MGLL: variants seen among roughly 807,000 people sequenced by gnomAD.
The protein encoded by MGLL is monoglyceride lipase.
In MGLL, 7 loss-of-function variants were observed where a neutral mutation model predicts 29.1. That is an observed-to-expected ratio of 0.24 (90% CI 0.14 to 0.45). The LOEUF (loss-of-function observed/expected upper bound fraction) is 0.45, where lower values mean the gene tolerates loss of function less well. Ranked by LOEUF, MGLL falls within the 20% of genes least tolerant of loss-of-function variation. The pLI, the probability that MGLL is intolerant of heterozygous loss-of-function variation, is 0.99. For missense variants in MGLL, 356 were observed against 413.6 expected, an observed-to-expected ratio of 0.86 and a Z score of 1.21; for synonymous variants, 148 against 168.3, an observed-to-expected ratio of 0.88 and a Z score of 0.93.
At chr3:127,765,824 G>A (rs185851528) in intron 3 of MGLL, among the ~76,000 whole-genome samples, 367 of 152,288 alleles carry the variant, frequency 2.4e-3, no homozygotes, top group African/African-American at 7.4e-3. Context: ...AAAAGATGGG[G>A]GCTGTCTATT....
Position 127,722,648 on chromosome 3 carries a change from CG to C in MGLL, c.263-83del. The C allele has an allele frequency of 4.4e-6, 7 of 1,581,814 alleles. 1 individual carries two copies. The highest frequency in any genetic ancestry group is 2.7e-5 in the African/African-American group (2 of 74,230). ...AGCCCAGAGTTCTCCTCACTGCAAT[CG>C]CTCTCTCTCCTGAGCGCCTGAATGT... is the stretch of plus-strand genomic sequence containing the variant. On this transcript the variant is annotated intron_variant, in intron 3 of 7. Coordinates refer to ENST00000265052, the MANE Select transcript of MGLL (RefSeq NM_007283.7).
At chr3:127,730,393 A>G (rs889006434) in intron 3 of MGLL, among the ~76,000 whole-genome samples, 1 of 151,998 alleles carries the variant, frequency 6.6e-6, no homozygotes, top group Non-Finnish European at 1.5e-5. Context: ...CTCTGCCACA[A>G]TCTGAGCCAC....
intron 3 of MGLL, among the ~76,000 whole-genome samples, chr3:127,737,203 T>C (rs1387103119): frequency 6.6e-6 from 1 of 151,750 alleles, no homozygotes; most frequent in Non-Finnish European, 1.5e-5. Flanking sequence ...GCAGTGAGCA[T>C]TTATTGAGTG....
At chr3:127,727,704 T>TTAA (rs1491530421) in intron 3 of MGLL, among the ~76,000 whole-genome samples, 2 of 80,712 alleles carry the variant, frequency 2.5e-5, no homozygotes, top group Non-Finnish European at 4.6e-5. Flanking sequence ...AGAGCAAGGC[T>TTAA]AAAAAAAAAA....
chr3:127,707,294 G>A (rs16824250), intron 6 of MGLL, among the ~76,000 whole-genome samples: 2,478 of 152,252 alleles, frequency 0.016, 115 homozygotes, highest in Admixed American at 0.091. Context: ...AGTGCATTCC[G>A]CCTGAGTATG....
intron 3 of MGLL, among the ~76,000 whole-genome samples, chr3:127,777,412 T>C (rs2077054491): frequency 1.3e-5 from 2 of 152,246 alleles, no homozygotes; most frequent in Admixed American, 1.3e-4. Context: ...TTTGGGTCAG[T>C]AGTTAAAAAT....
chr3:127,757,459 T>G (rs1426487662), intron 3 of MGLL, among the ~76,000 whole-genome samples: 2 of 152,134 alleles, frequency 1.3e-5, no homozygotes, highest in Admixed American at 6.5e-5. Flanking sequence ...CAGACACACA[T>G]GCACACAGAC....
At position 127,694,974 on chromosome 3, in the gene MGLL, C is replaced by A; in HGVS notation, c.816+1G>T. ...GAAGTGGGCAAGTGGCAGCCGCTCA[C>A]CTTGAGAGTCTTGTCCTGGCTCTTG... On this transcript the variant is annotated splice_donor_variant, in intron 7 of 7. Coordinates refer to ENST00000265052, the MANE Select transcript of MGLL (RefSeq NM_007283.7). LOFTEE classifies it high-confidence loss of function. 1 of 1,613,688 alleles carries A rather than the reference C, an allele frequency of 6.2e-7. No individual in the cohort carries two copies. Among genetic ancestry groups the A allele is most frequent in the Non-Finnish European group, 8.5e-7 (1 of 1,179,886 alleles).
At chr3:127,759,931 T>C (rs572713994) in intron 3 of MGLL, among the ~76,000 whole-genome samples, 116 of 152,316 alleles carry the variant, frequency 7.6e-4, no homozygotes, top group African/African-American at 2.6e-3. Context: ...GTCTGAATGA[T>C]CCAGCACTTC....
chr3:127,759,411 G>A (rs894736162), intron 3 of MGLL, among the ~76,000 whole-genome samples: 4 of 152,066 alleles, frequency 2.6e-5, no homozygotes, highest in Non-Finnish European at 5.9e-5. Flanking sequence ...CACCTGATGT[G>A]ACCAAGGCTC....
chr3:127,764,675 C>T (rs1026838648), intron 3 of MGLL, among the ~76,000 whole-genome samples: 22 of 152,232 alleles, frequency 1.4e-4, no homozygotes, highest in African/African-American at 5.3e-4. Flanking sequence ...TCATCTCTCT[C>T]TGAGAATTCT....
intron 3 of MGLL, among the ~76,000 whole-genome samples, chr3:127,770,872 A>G (rs1024901624): frequency 1.3e-5 from 2 of 151,952 alleles, no homozygotes; most frequent in African/African-American, 4.8e-5. Flanking sequence ...CAAGGTCACA[A>G]GGCTGAGCAC....
At chr3:127,784,635 C>G (rs542601377) in intron 2 of MGLL, among the ~76,000 whole-genome samples, 14 of 152,158 alleles carry the variant, frequency 9.2e-5, no homozygotes, top group Non-Finnish European at 1.9e-4. Context: ...CAGCCCCACA[C>G]TTCCACCCCC....
intron 3 of MGLL, among the ~76,000 whole-genome samples, chr3:127,762,663 T>C (rs2076786352): frequency 6.6e-6 from 1 of 152,156 alleles, no homozygotes; most frequent in Non-Finnish European, 1.5e-5. Flanking sequence ...GGCAGAGGCT[T>C]CGTTGCAGGT....
chr3:127,784,538 G>A (rs1167358560), intron 2 of MGLL, among the ~76,000 whole-genome samples: 9 of 152,138 alleles, frequency 5.9e-5, no homozygotes, highest in Admixed American at 1.3e-4. Flanking sequence ...AGATATAGCC[G>A]TCCCACTGCA....
intron 7 of MGLL, among the ~76,000 whole-genome samples, chr3:127,693,558 G>A (rs2075289174): frequency 6.6e-6 from 1 of 152,150 alleles, no homozygotes; most frequent in Non-Finnish European, 1.5e-5. Context: ...TCTTGCCTCA[G>A]TCTGGAAGGT....
intron 3 of MGLL, among the ~76,000 whole-genome samples, chr3:127,727,083 CT>C (rs768649582): frequency 6.6e-5 from 10 of 152,184 alleles, no homozygotes; most frequent in Non-Finnish European, 1.5e-4. Flanking sequence ...CATCCTGTAT[CT>C]GATTGTTTCC....
At chr3:127,799,543 A>G (rs931368430) in intron 2 of MGLL, 1 of 152,210 alleles carries the variant, frequency 6.6e-6, no homozygotes, top group Non-Finnish European at 1.5e-5. Context: ...TCCTACTACA[A>G]GTGGGCTACC....
At chr3:127,781,591 C>G (rs776626196) in intron 3 of MGLL, among the ~76,000 whole-genome samples, 198 bp downstream of exon 3, 1 of 152,214 alleles carries the variant, frequency 6.6e-6, no homozygotes, top group Non-Finnish European at 1.5e-5. Context: ...TTCTAATCAG[C>G]CTGCATTCAG....
Sources: allele counts gnomAD v4.1 joint callset (sites outside exome capture counted in the v4.1 genomes callset), GRCh38; gene constraint gnomAD v4.1.1; transcripts MANE v1.5; gene names NCBI Gene and HGNC (gene_info 2026-07-23, HGNC 2026-07-21).